Variants in CDH7 observed in about 807,000 individuals in gnomAD.
CDH7 encodes cadherin-7.
Under a neutral mutation model 71.8 loss-of-function variants are expected in CDH7, and 25 were observed. The ratio of observed to expected loss-of-function variants is 0.35; its 90% CI spans 0.25 to 0.49. CDH7 has a LOEUF of 0.49. Among genes scored for constraint, CDH7 ranks in the 20% least tolerant of loss-of-function variants. CDH7 has a pLI of 0.99. For missense variants in CDH7, 862 were observed against 974.6 expected (o/e 0.88, Z 1.54); for synonymous variants, 381 against 363.8 (o/e 1.05, Z -0.54).
chr18:65,761,348 A>T lies in CDH7; in HGVS notation c.-196-1299A>T, dbSNP rs965855408. ...TATATATTTGTTTCACATTTCTTTT[A>T]CTACATATAGTATTTTCTTAAGAAA... On this transcript the variant is annotated intron_variant, in intron 1 of 11. Transcript: ENST00000397968. Among the ~76,000 whole-genome samples the T allele has an allele frequency of 7.1e-5, 9 of 126,898 alleles. No individual in the cohort carries two copies. The East Asian group carries it at 1.8e-3, about 25-fold the overall frequency. The allele number at this position is 126,898 out of a possible 152,430, so 83.3% of individuals were successfully genotyped here. A position where few individuals can be genotyped will look rare whatever the true frequency, so the allele number is the denominator to read the frequency against.
At chr18:65,830,886 G>A (rs1030751971) in intron 6 of CDH7, among the ~76,000 whole-genome samples, 1 of 151,346 alleles carries the variant, frequency 6.6e-6, no homozygotes, top group Non-Finnish European at 1.5e-5. Context: ...AGTGATCGTT[G>A]CTTCACCTCT....
intron 7 of CDH7, among the ~76,000 whole-genome samples, chr18:65,849,969 G>A (rs1369076345): frequency 2.0e-5 from 3 of 151,630 alleles, no homozygotes; most frequent in Non-Finnish European, 2.9e-5. Flanking sequence ...TTCGAGACCA[G>A]CCTGGCCCAT....
At chr18:65,795,529 A>G (rs1417978071) in intron 2 of CDH7, among the ~76,000 whole-genome samples, 1 of 152,160 alleles carries the variant, frequency 6.6e-6, no homozygotes, top group East Asian at 1.9e-4. Flanking sequence ...ATAATGTGAC[A>G]GGATGAAGTA....
chr18:65,772,481 G>A (rs903369657), intron 2 of CDH7, among the ~76,000 whole-genome samples: 3 of 152,108 alleles, frequency 2.0e-5, no homozygotes, highest in Non-Finnish European at 2.9e-5. Flanking sequence ...GCTTAATCTG[G>A]AGAAGCAGAT....
intron 5 of CDH7, among the ~76,000 whole-genome samples, chr18:65,823,250 AC>A (rs1168474574): frequency 6.6e-6 from 1 of 151,842 alleles, no homozygotes; most frequent in Non-Finnish European, 1.5e-5. Context: ...TAAAAAAGTG[AC>A]CCCAGGTTTA....
intron 7 of CDH7, among the ~76,000 whole-genome samples, chr18:65,853,924 T>TATATATATATAC (rs1913244964): frequency 1.2e-5 from 1 of 84,718 alleles, no homozygotes; most frequent in Non-Finnish European, 2.5e-5. Flanking sequence ...TATATATATA[T>TATATATATATAC]ATATATATAT....
At chr18:65,812,822 T>G (rs1911591373) in intron 3 of CDH7, among the ~76,000 whole-genome samples, 2 of 152,218 alleles carry the variant, frequency 1.3e-5, no homozygotes, top group African/African-American at 2.4e-5. Context: ...ATTGTTTGCT[T>G]TCTTTTAAAA....
chr18:65,789,023 G>A (rs1289593490), intron 2 of CDH7, among the ~76,000 whole-genome samples: 27 of 152,308 alleles, frequency 1.8e-4, no homozygotes, highest in Admixed American at 1.8e-3. Context: ...AATATTTATA[G>A]TTTATGTAGT....
At chr18:65,845,963 A>C (rs1471836511) in intron 7 of CDH7, among the ~76,000 whole-genome samples, 1 of 152,100 alleles carries the variant, frequency 6.6e-6, no homozygotes, top group Admixed American at 6.6e-5. Flanking sequence ...AAGTAAAATG[A>C]AAGGATTTAA....
At chr18:65,808,533 G>A (rs897901961) in intron 2 of CDH7, among the ~76,000 whole-genome samples, 5 of 152,252 alleles carry the variant, frequency 3.3e-5, no homozygotes, top group Non-Finnish European at 7.3e-5. Context: ...GGTAAATCAG[G>A]TATTCAAGTA....
chr18:65,775,787 C>G (rs1162970691), intron 2 of CDH7, among the ~76,000 whole-genome samples: 2 of 152,112 alleles, frequency 1.3e-5, no homozygotes, highest in East Asian at 3.9e-4. Context: ...AAGGAAAAAA[C>G]AAGGAAGAAC....
rs140080925 is a variant in CDH7, at chr18:65,882,827, A to G, written c.*1933A>G. On this transcript the variant is annotated 3_prime_UTR_variant, in exon 12 of 12. Transcript: ENST00000397968. The stretch of plus-strand genomic sequence containing the variant: ...AACAAACAAAAAAACACGCGTATTT[A>G]CCCAGTTCAATAAAATCAGAGTGTG... 1.5e-3 allele frequency: 224 copies of G among 152,262 alleles called. No homozygotes were observed. The highest frequency in any genetic ancestry group is 4.9e-3 in the African/African-American group (204 of 41,594). 9.4% of individuals were successfully genotyped at this position (152,262 alleles called of 1,614,324 possible). A position where few individuals can be genotyped will look rare whatever the true frequency, so the allele number is the denominator to read the frequency against.
chr18:65,834,795 C>A (rs1297386155), intron 6 of CDH7, among the ~76,000 whole-genome samples: 1 of 152,120 alleles, frequency 6.6e-6, no homozygotes, highest in African/African-American at 2.4e-5. Flanking sequence ...TTTAATTTGG[C>A]CATTTCAAGT....
Position 65,751,021 on chromosome 18 carries a change from C to G in CDH7, c.-326C>G, listed in dbSNP as rs1915857275. 1 of 152,202 alleles carries G rather than the reference C, an allele frequency of 6.6e-6. No homozygotes were observed. Among genetic ancestry groups the G allele is most frequent in the Admixed American group, 6.5e-5 (1 of 15,286 alleles). The allele number at this position is 152,202 out of a possible 1,614,324, so 9.4% of individuals were successfully genotyped here. A position where few individuals can be genotyped will look rare whatever the true frequency, so the allele number is the denominator to read the frequency against. On this transcript the variant is annotated 5_prime_UTR_variant, in exon 1 of 12. Coordinates refer to ENST00000397968, the MANE Select transcript of CDH7 (RefSeq NM_004361.5). ...TCGAGCCGGTTCCTCCAGTCTGCCC[C>G]GCGCGCGGAGCTGCGCGCACTGGGT...
intron 6 of CDH7, among the ~76,000 whole-genome samples, chr18:65,842,348 G>A (rs867657749): frequency 6.6e-6 from 1 of 151,754 alleles, no homozygotes; most frequent in Non-Finnish European, 1.5e-5. Flanking sequence ...GTCCTGTCTG[G>A]TCTAGATATT....
At chr18:65,765,653 TTCTTAGTCATCCTAACACAA>T (rs1916336981) in intron 2 of CDH7, among the ~76,000 whole-genome samples, 1 of 152,114 alleles carries the variant, frequency 6.6e-6, no homozygotes, top group East Asian at 1.9e-4. Flanking sequence ...GATGGTCACA[TTCTTAGTCATCCTAACACAA>T]TCTAGCTATT....
chr18:65,810,128 G>T (rs1911481555), intron 3 of CDH7, 130 bp downstream of exon 3: 5 of 717,340 alleles, frequency 7.0e-6, no homozygotes, highest in South Asian at 2.0e-5. Context: ...TTGTCAGTTA[G>T]GGTGAGGGGA....
At chr18:65,875,906 G>T (rs1914060110) in intron 11 of CDH7, among the ~76,000 whole-genome samples, 1 of 152,134 alleles carries the variant, frequency 6.6e-6, no homozygotes, top group Non-Finnish European at 1.5e-5. Flanking sequence ...TTCAGCCTGG[G>T]TGACAAAGTG....
At chr18:65,815,942 C>G (rs1444970869) in intron 4 of CDH7, among the ~76,000 whole-genome samples, 1 of 152,126 alleles carries the variant, frequency 6.6e-6, no homozygotes, top group Admixed American at 6.6e-5. Context: ...CCTTATATAA[C>G]TTGTCCAAAA....
Sources: gnomAD v4.1 joint callset for allele counts (sites outside exome capture counted in the v4.1 genomes callset) on GRCh38, gnomAD v4.1.1 for gene constraint, MANE v1.5 for transcripts, NCBI Gene and HGNC (gene_info 2026-07-23, HGNC 2026-07-21) for gene names.